Variants in BCR observed in about 807,000 individuals in gnomAD.
BCR encodes breakpoint cluster region protein.
A neutral mutation model predicts 138.6 loss-of-function variants in BCR; 58 were observed. That is an observed-to-expected ratio of 0.42 (90% CI 0.34 to 0.52). The LOEUF is 0.52. Among genes scored for constraint, BCR ranks in the 20% least tolerant of loss-of-function variants. The pLI is 0.06. For synonymous variants in BCR, 786 were observed against 730.1 expected, an observed-to-expected ratio of 1.08 and a Z score of -1.23; for missense variants, 1,599 against 1,727.2, an observed-to-expected ratio of 0.93 and a Z score of 1.32.
intron 3 of BCR, 82 bp from the exon 4 acceptor site, chr22:23,261,273 C>T: frequency 7.0e-7 from 1 of 1,428,168 alleles, no homozygotes; most frequent in Admixed American, 2.0e-5. Flanking sequence ...GTCAGGTAAC[C>T]ATGACTGTCT....
At chr22:23,280,638 CA>C (rs1177816737) in intron 8 of BCR, among the ~76,000 whole-genome samples, 1 of 152,232 alleles carries the variant, frequency 6.6e-6, no homozygotes, top group African/African-American at 2.4e-5. Flanking sequence ...GGAGCATAGC[CA>C]GCATCATCGT....
At chr22:23,278,630 G>A (rs553300526) in intron 8 of BCR, among the ~76,000 whole-genome samples, 1 of 152,000 alleles carries the variant, frequency 6.6e-6, no homozygotes, top group South Asian at 2.1e-4. Context: ...CGGAGGCGGA[G>A]GCAGGAGAAT....
At chr22:23,290,513 C>A in intron 14 of BCR, 100 bp downstream of exon 14, 2 of 1,218,922 alleles carry the variant, frequency 1.6e-6, no homozygotes, top group South Asian at 1.2e-5. Context: ...GGAGGTTGTT[C>A]AGATGACCAC....
intron 2 of BCR, among the ~76,000 whole-genome samples, chr22:23,258,850 G>A (rs1049312271): frequency 6.6e-6 from 1 of 152,366 alleles, no homozygotes; most frequent in South Asian, 2.1e-4. Context: ...TGAGTGATCA[G>A]GGACCACCGC....
chr22:23,314,791 G>C lies in BCR; in HGVS notation c.3726+77G>C. 1.9e-6 allele frequency: 3 copies of C among 1,544,912 alleles called. No individual in the cohort carries two copies. In the South Asian group the frequency reaches 3.4e-5, roughly 17 times the overall value. On this transcript the variant is annotated intron_variant, in intron 22 of 22. Transcript: ENST00000305877. ...CTCTGCCTGCCCCACCCCCAGTCCTGCCCATCTTCTTACTTGCATTGTATG... is the reference window on the plus strand; with the variant it reads ...CTCTGCCTGCCCCACCCCCAGTCCTCCCCATCTTCTTACTTGCATTGTATG...
chr22:23,314,767 T>C, intron 22 of BCR, 53 bp downstream of exon 22: 2 of 1,604,138 alleles, frequency 1.2e-6, no homozygotes, highest in South Asian at 2.2e-5. Flanking sequence ...AGAGGTGGCC[T>C]CTGCCTGCCC....
chr22:23,274,278 T>A (rs1424026675), intron 8 of BCR, among the ~76,000 whole-genome samples: 2 of 152,236 alleles, frequency 1.3e-5, no homozygotes, highest in Non-Finnish European at 2.9e-5. Context: ...CACGTCTTCC[T>A]CCGGGAAGAC....
At position 23,243,701 on chromosome 22, in the gene BCR, T is replaced by A. The variant is rs376431002; in HGVS notation, c.1280-10098T>A. Among the ~76,000 whole-genome samples, 71 of 150,872 alleles carry A rather than the reference T, an allele frequency of 4.7e-4. 2 individuals carry two copies. In the East Asian group the frequency reaches 0.011, roughly 24 times the overall value. ...CCTCGCTCTGTTGCCCAGGCTGGAGTGCAGTGGCGAGATCTCGGCTCACTG... is the reference window on the plus strand; with the variant it reads ...CCTCGCTCTGTTGCCCAGGCTGGAGAGCAGTGGCGAGATCTCGGCTCACTG... On this transcript the variant is annotated intron_variant, in intron 1 of 22. Coordinates refer to ENST00000305877, the MANE Select transcript of BCR (RefSeq NM_004327.4).
At chr22:23,190,314 C>G (rs1233880338) in intron 1 of BCR, among the ~76,000 whole-genome samples, 2 of 152,142 alleles carry the variant, frequency 1.3e-5, no homozygotes, top group African/African-American at 4.8e-5. Context: ...ATTACAGGTG[C>G]CTGCCAACAC....
chr22:23,304,430 A>G (rs1342323097), intron 16 of BCR, among the ~76,000 whole-genome samples: 1 of 152,146 alleles, frequency 6.6e-6, no homozygotes, highest in East Asian at 1.9e-4. Flanking sequence ...TTTTTATGAT[A>G]ATAATTTTCC....
At chr22:23,262,614 C>A (rs927422130) in intron 4 of BCR, among the ~76,000 whole-genome samples, 1 of 152,096 alleles carries the variant, frequency 6.6e-6, no homozygotes. Flanking sequence ...GGTGGTGGCT[C>A]GGGCTGGGCT....
intron 16 of BCR, among the ~76,000 whole-genome samples, chr22:23,296,571 C>T (rs1215790766): frequency 6.6e-6 from 1 of 152,114 alleles, no homozygotes; most frequent in Non-Finnish European, 1.5e-5. Flanking sequence ...GCAGCTACTG[C>T]CTGTTTTTCT....
chr22:23,209,303 T>G (rs1347458932), intron 1 of BCR, among the ~76,000 whole-genome samples: 4 of 151,526 alleles, frequency 2.6e-5, no homozygotes, highest in East Asian at 4.0e-4. Context: ...AAGGTTGCAG[T>G]GAGCCGAGAT....
chr22:23,199,281 A>G (rs1398635813), intron 1 of BCR: 1 of 518,882 alleles, frequency 1.9e-6, no homozygotes, highest in Non-Finnish European at 3.8e-6. Flanking sequence ...GGCTCTAGAA[A>G]GGAATGTCTG....
At chr22:23,289,917 C>T (rs2073765097) in intron 13 of BCR, 1 of 524,122 alleles carries the variant, frequency 1.9e-6, no homozygotes, top group African/African-American at 1.9e-5. Context: ...GATCTGGCCC[C>T]ACTCCCGTCC....
chr22:23,232,477 G>T (rs527313033), intron 1 of BCR, among the ~76,000 whole-genome samples: 1 of 152,326 alleles, frequency 6.6e-6, no homozygotes, highest in East Asian at 1.9e-4. Flanking sequence ...CTGTCAGAGA[G>T]GGTGCCTGGC....
At chr22:23,192,374 A>C (rs371624221) in intron 1 of BCR, among the ~76,000 whole-genome samples, 1 of 152,326 alleles carries the variant, frequency 6.6e-6, no homozygotes, top group East Asian at 1.9e-4. Flanking sequence ...GAGGTGGAGG[A>C]GACCTGGATC....
chr22:23,272,897 T>C (rs1348702655), intron 6 of BCR, among the ~76,000 whole-genome samples, 184 bp from the exon 7 acceptor site: 4 of 152,176 alleles, frequency 2.6e-5, no homozygotes, highest in African/African-American at 4.8e-5. Flanking sequence ...ATGCAGTGAA[T>C]GTCCTGGACT....
At chr22:23,285,974 A>G (rs9620235) in intron 10 of BCR, among the ~76,000 whole-genome samples, 47,860 of 152,116 alleles carry the variant, frequency 0.31, 8,574 homozygotes, top group African/African-American at 0.48. Flanking sequence ...CTCTGGCCAC[A>G]GGCTTGAGCT....
Sources: allele counts gnomAD v4.1 joint callset (sites outside exome capture counted in the v4.1 genomes callset), GRCh38; gene constraint gnomAD v4.1.1; transcripts MANE v1.5; gene names NCBI Gene and HGNC (gene_info 2026-07-23, HGNC 2026-07-21).